The following FHL2 variants were observed in gnomAD, a reference collection of about 807,000 sequenced individuals.
The protein encoded by FHL2 is four and a half LIM domains 2, also known as four and a half LIM domains protein 2.
FHL2 carries 20 observed loss-of-function variants against 32.7 expected under a neutral mutation model. The observed-to-expected ratio is 0.61, with a 90% CI of 0.43 to 0.89. The LOEUF is 0.89. FHL2 is among the 40% of genes least tolerant of loss of function. FHL2 has a pLI of 0.00. For synonymous variants in FHL2, 123 were observed against 128.1 expected (o/e 0.96, Z 0.27); for missense variants, 311 against 358.6 (o/e 0.87, Z 1.07).
At chr2:105,398,505 G>T (rs941888069) in intron 1 of FHL2, among the ~76,000 whole-genome samples, 30 of 152,238 alleles carry the variant, frequency 2.0e-4, no homozygotes, top group African/African-American at 6.7e-4. Flanking sequence ...TCACCTCCCC[G>T]CAGCCGCCGG....
At chr2:105,389,881 A>G (rs4851762) in intron 2 of FHL2, 53,730 of 152,070 alleles carry the variant, frequency 0.35, 9,740 homozygotes, top group East Asian at 0.54. Flanking sequence ...TATACCTGAT[A>G]TGTGTTTTCC....
intron 4 of FHL2, among the ~76,000 whole-genome samples, chr2:105,370,218 A>ACC (rs1680946607): frequency 6.7e-6 from 1 of 150,142 alleles, no homozygotes; most frequent in African/African-American, 2.5e-5. Context: ...ACCCCCCCAA[A>ACC]AAAAAAATTA....
rs1680208125 is a variant in FHL2, at chr2:105,360,957, T to C, written c.*326A>G. ...TTAGAAAACTTTCAAGTTCGTGACA[T>C]ATGTTAATTGCACTTAAATAGACAG... On this transcript the variant is annotated 3_prime_UTR_variant, in exon 7 of 7. Transcript: ENST00000530340. The C allele has an allele frequency of 5.0e-6, 1 of 200,146 alleles. No homozygotes were observed. Among genetic ancestry groups the C allele is most frequent in the Admixed American group, 5.8e-5 (1 of 17,348 alleles). The allele number at this position is 200,146 out of a possible 1,614,324, so 12.4% of individuals were successfully genotyped here.
At chr2:105,420,995 G>A (rs1439932722) in intron 1 of FHL2, among the ~76,000 whole-genome samples, 6 of 152,136 alleles carry the variant, frequency 3.9e-5, no homozygotes, top group African/African-American at 1.2e-4. Context: ...AGGAGAAAAC[G>A]GGGCTCCATC....
At chr2:105,383,778 C>A (rs369907435) in intron 3 of FHL2, among the ~76,000 whole-genome samples, 2 of 152,232 alleles carry the variant, frequency 1.3e-5, no homozygotes, top group South Asian at 2.1e-4. Flanking sequence ...ACAAACCCAA[C>A]TACCCGATTA....
intron 2 of FHL2, among the ~76,000 whole-genome samples, chr2:105,391,172 T>C (rs762519538): frequency 6.6e-6 from 1 of 152,134 alleles, no homozygotes; most frequent in African/African-American, 2.4e-5. Flanking sequence ...ATTCACTGAA[T>C]AAACATTGGT....
At chr2:105,421,502 T>C (rs149011793) in intron 1 of FHL2, among the ~76,000 whole-genome samples, 1 of 152,362 alleles carries the variant, frequency 6.6e-6, no homozygotes, top group African/African-American at 2.4e-5. Flanking sequence ...GGACAAATGC[T>C]ATCAGGATGA....
chr2:105,425,190 C>A (rs142224696), intron 1 of FHL2, among the ~76,000 whole-genome samples: 16 of 151,634 alleles, frequency 1.1e-4, no homozygotes, highest in South Asian at 2.1e-4. Flanking sequence ...CACTTTGACC[C>A]AACTTGGAGC....
At chr2:105,378,159 T>G (rs1444573401) in intron 3 of FHL2, 2 of 471,076 alleles carry the variant, frequency 4.2e-6, no homozygotes, top group Non-Finnish European at 8.8e-6. Flanking sequence ...TGCACATGGG[T>G]CCAAGGCACT....
At chr2:105,397,136 T>G (rs1683195335) in intron 1 of FHL2, among the ~76,000 whole-genome samples, 1 of 150,584 alleles carries the variant, frequency 6.6e-6, no homozygotes, top group South Asian at 2.1e-4. Flanking sequence ...TAAGGCCTCA[T>G]AGAAATATTC....
chr2:105,364,254 AAAAAC>A (rs139042564), intron 5 of FHL2, among the ~76,000 whole-genome samples: 45,536 of 151,246 alleles, frequency 0.3, 7,532 homozygotes, highest in Non-Finnish European at 0.38. Context: ...AGACTGTCTC[AAAAAC>A]AAAACAAAAC....
At chr2:105,376,299 G>A (rs984656163) in intron 3 of FHL2, 4 of 152,158 alleles carry the variant, frequency 2.6e-5, no homozygotes, top group Non-Finnish European at 4.4e-5. Flanking sequence ...TCCTGGTCGG[G>A]TCTGTGTTAC....
chr2:105,359,170 G>T (rs1357813710), downstream of FHL2: 1 of 151,872 alleles, frequency 6.6e-6, no homozygotes, highest in Non-Finnish European at 1.5e-5. Context: ...TAGTCCAATT[G>T]GAGCTATTTA....
chr2:105,411,441 G>A lies in FHL2; in HGVS notation c.-24-24901C>T, dbSNP rs146719638. Reference sequence around the variant, plus strand: ...TTTCAAGCACAGCTTGATAAACCTTGTCTCTTACTCCTGGTTTTAGATGGA... The same window carrying A: ...TTTCAAGCACAGCTTGATAAACCTTATCTCTTACTCCTGGTTTTAGATGGA... On this transcript the variant is annotated intron_variant, in intron 1 of 5. Coordinates refer to the FHL2 transcript ENST00000393352. 3.0e-3 allele frequency among the ~76,000 whole-genome samples: 444 copies of A among 146,090 alleles called. 3 individuals are homozygous for A. Among genetic ancestry groups the A allele is most frequent in the African/African-American group, 0.011 (440 of 39,334 alleles).
rs541161992 is a variant in FHL2 at position 105,412,408 on chromosome 2, G to A, written c.-24-25868C>T. 2.0e-5 allele frequency among the ~76,000 whole-genome samples: 3 copies of A among 152,324 alleles called. No individual in the cohort carries two copies. In the South Asian group the frequency reaches 6.2e-4, roughly 32 times the overall value. On this transcript the variant is annotated intron_variant, in intron 1 of 5. Coordinates refer to the FHL2 transcript ENST00000393352. ...GAAAATAGAAAAAAACAAACTGGTGGTGGAGGATGAATTCAATTTTGACTT... is the reference window on the plus strand; with the variant it reads ...GAAAATAGAAAAAAACAAACTGGTGATGGAGGATGAATTCAATTTTGACTT...
chr2:105,422,029 G>A (rs576352248), intron 1 of FHL2, among the ~76,000 whole-genome samples: 68 of 152,314 alleles, frequency 4.5e-4, no homozygotes, highest in African/African-American at 1.6e-3. Context: ...GTAGCTCAGA[G>A]GAGTTGCCCT....
In FHL2 at chr2:105,432,306, T is replaced by A. The variant is rs183675616; in HGVS notation, c.-25+6093A>T. ...CTAAAAGGAGTTTGTCTCATGCACT[T>A]TCCACATCTCAGCTTTATGTCTTAC... is the stretch of plus-strand genomic sequence containing the variant. On this transcript the variant is annotated intron_variant, in intron 1 of 5. Coordinates refer to the FHL2 transcript ENST00000393352. Among the ~76,000 whole-genome samples the A allele has an allele frequency of 1.2e-3, 177 of 152,320 alleles. 1 individual carries two copies. Among genetic ancestry groups the A allele is most frequent in the Non-Finnish European group, 1.7e-3 (113 of 68,024 alleles).
chr2:105,380,155 T>C (rs906830680), intron 3 of FHL2, among the ~76,000 whole-genome samples: 1 of 152,162 alleles, frequency 6.6e-6, no homozygotes, highest in African/African-American at 2.4e-5. Flanking sequence ...GTTTTAGAGA[T>C]CTTGGCCAAC....
chr2:105,420,429 G>A (rs1333074552), intron 1 of FHL2, among the ~76,000 whole-genome samples: 1 of 152,002 alleles, frequency 6.6e-6, no homozygotes, highest in South Asian at 2.1e-4. Flanking sequence ...CTAATTACTC[G>A]GTAACAACCC....
Sources: gnomAD v4.1 joint callset for allele counts (sites outside exome capture counted in the v4.1 genomes callset) on GRCh38, gnomAD v4.1.1 for gene constraint, MANE v1.5 for transcripts, NCBI Gene and HGNC (gene_info 2026-07-23, HGNC 2026-07-21) for gene names.